The following DRC4 variants were observed in gnomAD, a reference collection of about 807,000 sequenced individuals.
The protein encoded by DRC4 is GAS-11.
At chr16:90,036,465 A>G in the DRC4 span, 1 of 1,614,196 alleles carries the variant, frequency 6.2e-7, no homozygotes, top group South Asian at 1.1e-5. Flanking sequence ...CACGAAGTGG[A>G]GGAGAGGAAG....
the DRC4 span, among the ~76,000 whole-genome samples, chr16:90,027,210 C>T: frequency 6.6e-6 from 1 of 151,934 alleles, no homozygotes; most frequent in African/African-American, 2.4e-5. Context: ...CTCAGCCTCC[C>T]GAGTAGCTGG....
the DRC4 span, chr16:90,020,023 C>G: frequency 1.4e-6 from 1 of 696,980 alleles, no homozygotes; most frequent in East Asian, 2.7e-5. Flanking sequence ...TGAAACTGAC[C>G]CCCATGTCCC....
the DRC4 span, chr16:90,044,690 C>A: frequency 4.4e-6 from 2 of 456,466 alleles, no homozygotes; most frequent in South Asian, 3.2e-5. Flanking sequence ...CCTGGGTCTG[C>A]ATCCCAGTGG....
At chr16:90,043,205 G>A in the DRC4 span, 96 of 1,611,962 alleles carry the variant, frequency 6.0e-5, no homozygotes, top group African/African-American at 1.7e-4. Context: ...GGCCCATAAC[G>A]ACCTGCTGCG....
At chr16:90,043,609 C>A in the DRC4 span, 1 of 607,356 alleles carries the variant, frequency 1.6e-6, no homozygotes. Context: ...CACCTCCGAC[C>A]ACAGTCGGCG....
At chr16:90,035,004 A>G in the DRC4 span, among the ~76,000 whole-genome samples, 1 of 147,854 alleles carries the variant, frequency 6.8e-6, no homozygotes, top group Non-Finnish European at 1.5e-5. Flanking sequence ...CCCGGGTTCA[A>G]GCTATTCTCC....
At chr16:90,040,408 C>T in the DRC4 span, 1 of 1,612,168 alleles carries the variant, frequency 6.2e-7, no homozygotes, top group East Asian at 2.2e-5. Flanking sequence ...GCTGCAGGCT[C>T]TGAGCGCCGC....
the DRC4 span, chr16:90,032,853 A>T: frequency 6.2e-7 from 1 of 1,613,968 alleles, no homozygotes; most frequent in Non-Finnish European, 8.5e-7. Context: ...GCGCAAGGAC[A>T]TGCGGGCACT....
chr16:90,035,626 T>C, the DRC4 span: 7 of 1,614,180 alleles, frequency 4.3e-6, no homozygotes, highest in Non-Finnish European at 5.9e-6. Context: ...CGCTTCTCCC[T>C]GTGCAGAAAC....
chr16:90,042,471 A>T, the DRC4 span: 1 of 1,613,646 alleles, frequency 6.2e-7, no homozygotes, highest in African/African-American at 1.3e-5. Context: ...TCTCCTCAGG[A>T]TGTTCTTGAG....
chr16:90,036,775 T>C, the DRC4 span: 1 of 706,104 alleles, frequency 1.4e-6, no homozygotes, highest in African/African-American at 1.7e-5. Flanking sequence ...CTCTACCTAT[T>C]GTTAAAAGCA....
At chr16:90,022,702 T>C in the DRC4 span, 1 of 1,424,596 alleles carries the variant, frequency 7.0e-7, no homozygotes, top group East Asian at 3.0e-5. Flanking sequence ...GAGTCGCCGC[T>C]GGGCCTGTCC....
chr16:90,022,570 C>A, the DRC4 span: 2 of 873,818 alleles, frequency 2.3e-6, no homozygotes, highest in Non-Finnish European at 3.2e-6. Context: ...TAGGGACGCA[C>A]TCCCGCCTTT....
the DRC4 span, chr16:90,035,510 G>A: frequency 3.2e-6 from 4 of 1,265,536 alleles, no homozygotes; most frequent in Non-Finnish European, 4.6e-6. Context: ...GGTGACTTTA[G>A]TTGAGGGAGG....
the DRC4 span, chr16:90,029,256 C>T: frequency 7.4e-7 from 1 of 1,343,844 alleles, no homozygotes; most frequent in East Asian, 5.2e-5. Flanking sequence ...GAGCCACAGA[C>T]TCAGAAGGCT....
chr16:90,029,083 C>T, the DRC4 span: 5 of 1,240,500 alleles, frequency 4.0e-6, no homozygotes, highest in Non-Finnish European at 5.2e-6. Flanking sequence ...GCCCGTCTCC[C>T]TGTCCGCTTC....
At chr16:90,024,797 C>A in the DRC4 span, among the ~76,000 whole-genome samples, 1 of 151,786 alleles carries the variant, frequency 6.6e-6, no homozygotes, top group African/African-American at 2.4e-5. Flanking sequence ...CAGAGCAAGA[C>A]TCCATCTCAA....
the DRC4 span, among the ~76,000 whole-genome samples, chr16:90,025,410 G>A: frequency 6.6e-6 from 1 of 151,384 alleles, no homozygotes; most frequent in African/African-American, 2.4e-5. Flanking sequence ...CCAGCACTTT[G>A]GGAGGCTTAG....
the DRC4 span, chr16:90,029,380 A>C: frequency 8.6e-7 from 1 of 1,161,440 alleles, no homozygotes; most frequent in Admixed American, 2.6e-5. Context: ...CTAGGAGTTC[A>C]GTGCTGTTTT....
Sources: gnomAD v4.1 joint callset for allele counts (sites outside exome capture counted in the v4.1 genomes callset) on GRCh38, gnomAD v4.1.1 for gene constraint, MANE v1.5 for transcripts, NCBI Gene and HGNC (gene_info 2026-07-23, HGNC 2026-07-21) for gene names.